TEX36: variants seen among roughly 807,000 people sequenced by gnomAD.
TEX36 encodes testis expressed 36.
In TEX36, 12 loss-of-function variants were observed where a neutral mutation model predicts 13.6. The ratio of observed to expected loss-of-function variants is 0.88; its 90% CI spans 0.56 to 1.43. The LOEUF is 1.43. Among genes scored for constraint, TEX36 ranks in the 40% most tolerant of loss-of-function variants. The pLI is 0.00. For missense variants in TEX36, 224 were observed against 228.3 expected (o/e 0.98, Z 0.12); for synonymous variants, 93 against 83.0 (o/e 1.12, Z -0.65).
At chr10:125,643,047 GGC>G (rs1009313370) in intron 3 of TEX36, among the ~76,000 whole-genome samples, 6 of 152,166 alleles carry the variant, frequency 3.9e-5, no homozygotes, top group Admixed American at 6.5e-5. Context: ...CAGGGTCCAG[GGC>G]ATTTGACGAG....
intron 3 of TEX36, among the ~76,000 whole-genome samples, chr10:125,582,139 C>T (rs1845891005): frequency 6.6e-6 from 1 of 152,196 alleles, no homozygotes; most frequent in African/African-American, 2.4e-5. Context: ...GGAACATGCT[C>T]AGAGAGATGG....
intron 3 of TEX36, among the ~76,000 whole-genome samples, chr10:125,584,799 G>T (rs1565166737): frequency 1.3e-5 from 2 of 152,160 alleles, no homozygotes. Flanking sequence ...CTTCCAAAGG[G>T]CAGAAATGTG....
chr10:125,604,751 G>C, intron 3 of TEX36, among the ~76,000 whole-genome samples: 1 of 152,094 alleles, frequency 6.6e-6, no homozygotes, highest in South Asian at 2.1e-4. Context: ...GGCAGAGGTT[G>C]CAGTGAGCCA....
chr10:125,609,556 G>C (rs1846265700), intron 3 of TEX36, among the ~76,000 whole-genome samples: 1 of 152,148 alleles, frequency 6.6e-6, no homozygotes, highest in Non-Finnish European at 1.5e-5. Flanking sequence ...TCTTTTTCCA[G>C]CTGCTTAATT....
chr10:125,602,563 A>C (rs1325993598), intron 3 of TEX36, among the ~76,000 whole-genome samples: 1 of 152,114 alleles, frequency 6.6e-6, no homozygotes, highest in East Asian at 1.9e-4. Context: ...CGGCAGCTGT[A>C]TTACTCTGAC....
downstream of TEX36, among the ~76,000 whole-genome samples, chr10:125,651,003 T>G (rs1846843994): frequency 6.6e-6 from 1 of 152,104 alleles, no homozygotes; most frequent in African/African-American, 2.4e-5. Flanking sequence ...AGGCAATAAT[T>G]AATAGCTTAC....
downstream of TEX36, among the ~76,000 whole-genome samples, chr10:125,651,009 C>T (rs1041850966): frequency 8.5e-5 from 13 of 152,164 alleles, no homozygotes; most frequent in Admixed American, 1.3e-4. Context: ...TAATTAATAG[C>T]TTACCAACCA....
At chr10:125,645,220 A>G (rs1846750725) in intron 3 of TEX36, among the ~76,000 whole-genome samples, 1 of 152,208 alleles carries the variant, frequency 6.6e-6, no homozygotes, top group Admixed American at 6.5e-5. Flanking sequence ...ACACAGTACT[A>G]TAGTTTTAAT....
chr10:125,655,840 T>C lies in TEX36; in HGVS notation c.*60A>G. The C allele has an allele frequency of 7.0e-7, 1 of 1,431,906 alleles. No individual in the cohort carries two copies. The highest frequency in any genetic ancestry group is 9.2e-7 in the Non-Finnish European group (1 of 1,088,754). 88.7% of individuals were successfully genotyped at this position (1,431,906 alleles called of 1,614,324 possible). ...TGGTGCTGGATCAGAAAACATATAC[T>C]TTTAGGATGTCTGATGAAATACCAG... On this transcript the variant is annotated 3_prime_UTR_variant, in exon 4 of 4. Transcript: ENST00000368821.
chr10:125,636,954 C>T (rs778125452), intron 3 of TEX36, among the ~76,000 whole-genome samples: 1 of 152,066 alleles, frequency 6.6e-6, no homozygotes, highest in African/African-American at 2.4e-5. Flanking sequence ...CCCCAGGTCA[C>T]CTCCATTCCA....
intron 1 of TEX36, among the ~76,000 whole-genome samples, chr10:125,669,649 C>T (rs1847190075): frequency 6.6e-6 from 1 of 152,138 alleles, no homozygotes; most frequent in African/African-American, 2.4e-5. Flanking sequence ...AGTCTTGTTA[C>T]ATAGGTAAAA....
intron 3 of TEX36, among the ~76,000 whole-genome samples, chr10:125,644,541 G>C (rs918324746): frequency 1.2e-4 from 18 of 152,284 alleles, no homozygotes; most frequent in African/African-American, 3.6e-4. Flanking sequence ...ATCTAATTTT[G>C]TAGCCAGAAA....
chr10:125,647,582 G>A (rs1565183066), intron 3 of TEX36, among the ~76,000 whole-genome samples: 1 of 152,224 alleles, frequency 6.6e-6, no homozygotes, highest in Non-Finnish European at 1.5e-5. Context: ...AACAGCTCCA[G>A]TCTGCAGCTC....
intron 3 of TEX36, among the ~76,000 whole-genome samples, chr10:125,647,201 T>A (rs911197255): frequency 1.3e-5 from 2 of 152,214 alleles, no homozygotes; most frequent in African/African-American, 4.8e-5. Flanking sequence ...TTTGCTATAA[T>A]GTCACTCCAG....
intron 3 of TEX36, among the ~76,000 whole-genome samples, chr10:125,641,385 C>T (rs1360041493): frequency 1.3e-5 from 2 of 152,222 alleles, no homozygotes; most frequent in South Asian, 2.1e-4. Flanking sequence ...CATCACTTTG[C>T]CCTTCTAACC....
At chr10:125,598,232 T>C (rs560107194) in intron 3 of TEX36, among the ~76,000 whole-genome samples, 1 of 152,338 alleles carries the variant, frequency 6.6e-6, no homozygotes, top group African/African-American at 2.4e-5. Context: ...GCTGATATAA[T>C]GCACATTTGT....
At chr10:125,582,969 A>T (rs1057153450) in intron 3 of TEX36, among the ~76,000 whole-genome samples, 1 of 152,216 alleles carries the variant, frequency 6.6e-6, no homozygotes, top group African/African-American at 2.4e-5. Context: ...ATTATTTCTC[A>T]AGAACAACAC....
chr10:125,661,924 C>G lies in TEX36; in HGVS notation c.105G>C (p.Thr35=). 1 of 1,552,302 alleles carries G rather than the reference C, an allele frequency of 6.4e-7. No homozygotes were observed. The highest frequency in any genetic ancestry group is 2.4e-5 in the East Asian group (1 of 40,912). Residue 35 remains threonine (T), a synonymous_variant, in exon 2 of 4, where the codon ACG becomes ACC. Transcript: ENST00000368821. ...AGTGTGGACTCTGGGGCTCTTTTGACGTAGCACTGGTGATGGATTCTGGTG... is the reference window on the plus strand; with the variant it reads ...AGTGTGGACTCTGGGGCTCTTTTGAGGTAGCACTGGTGATGGATTCTGGTG... The part of the protein sequence containing the change: ...QKTPESITSA[T]SKEPQSPHLP...
intron 1 of TEX36, chr10:125,666,973 C>A (rs750694448): frequency 1.5e-5 from 17 of 1,116,682 alleles, no homozygotes; most frequent in Non-Finnish European, 2.0e-5. Context: ...CTGTTGGCCA[C>A]GGCTCACTTG....
Sources: allele counts gnomAD v4.1 joint callset (sites outside exome capture counted in the v4.1 genomes callset), GRCh38; gene constraint gnomAD v4.1.1; transcripts MANE v1.5; gene names NCBI Gene and HGNC (gene_info 2026-07-23, HGNC 2026-07-21).